The following DOCK2 variants were observed in gnomAD, a reference collection of about 807,000 sequenced individuals.
The protein encoded by DOCK2 is dedicator of cytokinesis protein 2.
A neutral mutation model predicts 248.9 loss-of-function variants in DOCK2; 87 were observed. The observed-to-expected ratio is 0.35, with a 90% CI of 0.29 to 0.42. The LOEUF is 0.42. Ranked by LOEUF, DOCK2 falls within the 10% of genes least tolerant of loss-of-function variation. The pLI is 1.00. For missense variants in DOCK2, 1,747 were observed against 2,300.2 expected (o/e 0.76, Z 4.92); for synonymous variants, 805 against 821.6 (o/e 0.98, Z 0.35).
intron 21 of DOCK2, 124 bp from the exon 22 acceptor site, chr5:169,718,533 A>G: frequency 1.0e-6 from 1 of 994,876 alleles, no homozygotes; most frequent in Non-Finnish European, 1.4e-6. Context: ...TATGCTTACA[A>G]ATGAGTAAGT....
At position 169,868,333 on chromosome 5, in the gene DOCK2, T is replaced by C. The variant is rs11134595; in HGVS notation, c.2799+27481T>C. On this transcript the variant is annotated intron_variant, in intron 27 of 51. Coordinates refer to ENST00000520908, the MANE Select transcript of DOCK2 (RefSeq NM_004946.3). ...ATCCATATGCTTCCACCAAATTATA[T>C]GAATACACACATGCACCAACTGCCT... Among the ~76,000 whole-genome samples the C allele has an allele frequency of 5.8e-3, 880 of 152,364 alleles. 15 individuals carry two copies. Among genetic ancestry groups the C allele is most frequent in the African/African-American group, 0.02 (834 of 41,586 alleles).
chr5:169,826,089 A>G (rs999636516), intron 26 of DOCK2, among the ~76,000 whole-genome samples: 3 of 152,066 alleles, frequency 2.0e-5, no homozygotes, highest in Non-Finnish European at 2.9e-5. Flanking sequence ...CTTTCATCCA[A>G]CCATCCATCC....
At chr5:169,686,939 G>A (rs941336259) in intron 8 of DOCK2, among the ~76,000 whole-genome samples, 2 of 152,188 alleles carry the variant, frequency 1.3e-5, no homozygotes, top group African/African-American at 4.8e-5. Flanking sequence ...GTTCCTCTGA[G>A]TAGGTTGTCA....
intron 26 of DOCK2, among the ~76,000 whole-genome samples, chr5:169,804,997 A>G (rs1425529842): frequency 6.6e-6 from 1 of 152,190 alleles, no homozygotes; most frequent in African/African-American, 2.4e-5. Context: ...GATCTTTTTA[A>G]AAATTGTTTT....
At chr5:169,692,587 T>C (rs1481876659) in intron 9 of DOCK2, among the ~76,000 whole-genome samples, 1 of 151,252 alleles carries the variant, frequency 6.6e-6, no homozygotes, top group South Asian at 2.1e-4. Flanking sequence ...ACATCTTCCT[T>C]TGAGCAAGTA....
At chr5:169,857,463 G>A (rs1173714147) in intron 27 of DOCK2, among the ~76,000 whole-genome samples, 3 of 152,128 alleles carry the variant, frequency 2.0e-5, no homozygotes, top group Non-Finnish European at 4.4e-5. Flanking sequence ...ACAGGTGCAC[G>A]ACACCGTACC....
chr5:169,901,579 G>A (rs1390071838), intron 27 of DOCK2, among the ~76,000 whole-genome samples: 4 of 152,152 alleles, frequency 2.6e-5, no homozygotes, highest in South Asian at 2.1e-4. Context: ...TGTAACAGTC[G>A]TCCAGGTAAC....
At chr5:169,844,143 A>G (rs973439321) in intron 27 of DOCK2, among the ~76,000 whole-genome samples, 1 of 152,344 alleles carries the variant, frequency 6.6e-6, no homozygotes, top group South Asian at 2.1e-4. Context: ...TTTCCATAGT[A>G]GCCATAATGA....
intron 27 of DOCK2, among the ~76,000 whole-genome samples, chr5:169,879,906 CATT>C (rs747039427): frequency 2.1e-4 from 32 of 152,162 alleles, no homozygotes; most frequent in Non-Finnish European, 4.3e-4. Context: ...ACAGAAAATA[CATT>C]ATCTGGCTCC....
chr5:170,077,195 A>G lies in DOCK2; in HGVS notation c.4867-515A>G, dbSNP rs138894140. On this transcript the variant is annotated intron_variant, in intron 47 of 51. Transcript: ENST00000520908. ...CATCCCCCTTCTGGCACATTGATGT[A>G]TGATTACCAGCCAGAGAAGTTCACT... Among the ~76,000 whole-genome samples, 968 of 152,328 alleles carry G rather than the reference A, an allele frequency of 6.4e-3. 7 individuals are homozygous for G. Among genetic ancestry groups the G allele is most frequent in the Middle Eastern group, 0.02 (6 of 294 alleles).
intron 25 of DOCK2, among the ~76,000 whole-genome samples, chr5:169,766,121 AT>A (rs1316754208): frequency 1.3e-5 from 2 of 152,082 alleles, no homozygotes; most frequent in Non-Finnish European, 2.9e-5. Context: ...GGTTTGTTAC[AT>A]GAATTGATTT....
intron 8 of DOCK2, among the ~76,000 whole-genome samples, chr5:169,685,245 A>C (rs1759896418): frequency 6.6e-6 from 1 of 152,190 alleles, no homozygotes; most frequent in South Asian, 2.1e-4. Flanking sequence ...TGTTATTATT[A>C]CTACTTTAAT....
intron 1 of DOCK2, among the ~76,000 whole-genome samples, chr5:169,651,672 C>T (rs1443946987): frequency 6.6e-6 from 1 of 152,180 alleles, no homozygotes; most frequent in African/African-American, 2.4e-5. Flanking sequence ...GCAGAGTCTA[C>T]CCAGTGAGGA....
intron 33 of DOCK2, among the ~76,000 whole-genome samples, chr5:170,025,505 G>A (rs1460960377): frequency 3.9e-5 from 6 of 152,184 alleles, no homozygotes; most frequent in Non-Finnish European, 8.8e-5. Flanking sequence ...TCCCAAGATG[G>A]CAGAGGGAAG....
intron 29 of DOCK2, among the ~76,000 whole-genome samples, chr5:169,987,892 C>T (rs940310325): frequency 6.6e-6 from 1 of 152,170 alleles, no homozygotes; most frequent in Non-Finnish European, 1.5e-5. Flanking sequence ...AATTCTGCCA[C>T]TTTCTCTTTC....
At chr5:169,855,992 A>G (rs1316885621) in intron 27 of DOCK2, among the ~76,000 whole-genome samples, 1 of 152,198 alleles carries the variant, frequency 6.6e-6, no homozygotes, top group Non-Finnish European at 1.5e-5. Context: ...ACATGGCAGC[A>G]GGAGAGAGAG....
chr5:170,021,725 G>A (rs1755734949), intron 33 of DOCK2, among the ~76,000 whole-genome samples: 1 of 152,172 alleles, frequency 6.6e-6, no homozygotes, highest in Non-Finnish European at 1.5e-5. Context: ...AGATGCCCAT[G>A]TGAAAACCAG....
At chr5:169,969,066 C>T (rs1227410037) in intron 27 of DOCK2, among the ~76,000 whole-genome samples, 1 of 152,076 alleles carries the variant, frequency 6.6e-6, no homozygotes. Flanking sequence ...GAGAGGATTG[C>T]TTGAGCCCAG....
intron 27 of DOCK2, among the ~76,000 whole-genome samples, chr5:169,915,352 A>G (rs992420608): frequency 6.6e-6 from 1 of 152,188 alleles, no homozygotes; most frequent in Non-Finnish European, 1.5e-5. Flanking sequence ...AGTAAGCACT[A>G]ATATTAATTG....
Sources: gnomAD v4.1 joint callset for allele counts (sites outside exome capture counted in the v4.1 genomes callset) on GRCh38, gnomAD v4.1.1 for gene constraint, MANE v1.5 for transcripts, NCBI Gene and HGNC (gene_info 2026-07-23, HGNC 2026-07-21) for gene names.